The following ARFGEF1 variants were observed in gnomAD, a reference collection of about 807,000 sequenced individuals.
ARFGEF1 encodes ARF guanine nucleotide exchange factor 1, also known as brefeldin A-inhibited guanine nucleotide-exchange protein 1.
ARFGEF1 carries 42 observed loss-of-function variants against 231.0 expected under a neutral mutation model. The observed-to-expected ratio is 0.18, with a 90% CI of 0.14 to 0.24. The LOEUF is 0.24. Among genes scored for constraint, ARFGEF1 ranks in the 10% least tolerant of loss-of-function variants. The pLI is 1.00. For synonymous variants in ARFGEF1, 710 were observed against 732.3 expected, an observed-to-expected ratio of 0.97 and a Z score of 0.49; for missense variants, 1,345 against 2,192.0, an observed-to-expected ratio of 0.61 and a Z score of 7.72.
downstream of ARFGEF1, among the ~76,000 whole-genome samples, chr8:67,196,561 G>A (rs1481595122): frequency 6.6e-6 from 1 of 152,140 alleles, no homozygotes; most frequent in Non-Finnish European, 1.5e-5. Context: ...TGTAATTAAC[G>A]GTTGGTAGAC....
At chr8:67,185,373 CT>C (rs1449506790) in intron 5 of ARFGEF1, among the ~76,000 whole-genome samples, 1 of 152,202 alleles carries the variant, frequency 6.6e-6, no homozygotes, top group African/African-American at 2.4e-5. Flanking sequence ...CACCAGTTAT[CT>C]TAAAGAACGT....
chr8:67,272,113 TA>T (rs796943382), intron 9 of ARFGEF1, among the ~76,000 whole-genome samples, 177 bp from the exon 10 acceptor site: 9 of 152,342 alleles, frequency 5.9e-5, no homozygotes, highest in African/African-American at 2.2e-4. Flanking sequence ...ACTTAGGCAC[TA>T]ACAACAGGTG....
intron 34 of ARFGEF1, among the ~76,000 whole-genome samples, chr8:67,210,111 C>T (rs536762041): frequency 7.2e-6 from 1 of 138,216 alleles, no homozygotes; most frequent in East Asian, 2.2e-4. Flanking sequence ...GCCAAGATCA[C>T]ACCACTATAC....
intron 21 of ARFGEF1, 82 bp downstream of exon 21, chr8:67,238,653 T>C: frequency 2.6e-6 from 4 of 1,513,164 alleles, no homozygotes; most frequent in Non-Finnish European, 2.7e-6. Context: ...TCCCCTAACA[T>C]TTAGGCATGT....
At chr8:67,254,456 G>T (rs1451970367) in intron 17 of ARFGEF1, among the ~76,000 whole-genome samples, 1 of 152,078 alleles carries the variant, frequency 6.6e-6, no homozygotes, top group Admixed American at 6.6e-5. Flanking sequence ...AAGAACTTAA[G>T]GTAACTCTTA....
intron 26 of ARFGEF1, 24 bp downstream of exon 26, chr8:67,227,423 T>C: frequency 1.2e-6 from 2 of 1,607,232 alleles, no homozygotes; most frequent in Non-Finnish European, 1.7e-6. Context: ...TTCCTTCTAT[T>C]AAGCAATTCA....
At position 67,219,368 on chromosome 8, in the gene ARFGEF1, TG is replaced by T. The variant is rs1176268002; in HGVS notation, c.4338+62del. On this transcript the variant is annotated intron_variant, in intron 30 of 38. Coordinates refer to ENST00000262215, the MANE Select transcript of ARFGEF1 (RefSeq NM_006421.5). ...CTTAATTTGAAACACTAAAATGTATTGATTATAATACTGAGAATCTTTTAAC... is the reference window on the plus strand; with the variant it reads ...CTTAATTTGAAACACTAAAATGTATTATTATAATACTGAGAATCTTTTAAC... The T allele has an allele frequency of 3.3e-6, 5 of 1,527,134 alleles. No individual in the cohort carries two copies. The African/African-American group carries it at 7.0e-5, about 22-fold the overall frequency. The allele number at this position is 1,527,134 out of a possible 1,614,324, so 94.6% of individuals were successfully genotyped here.
At chr8:67,175,555 T>C in exon 6 of ARFGEF1, 3 of 1,200,850 alleles carry the variant, frequency 2.5e-6, no homozygotes, top group Non-Finnish European at 3.7e-6. Context: ...AGCCCCATGC[T>C]CACAGGGTCC....
chr8:67,211,988 A>G (rs1169888683), intron 33 of ARFGEF1, among the ~76,000 whole-genome samples: 3 of 152,238 alleles, frequency 2.0e-5, no homozygotes, highest in Non-Finnish European at 4.4e-5. Flanking sequence ...AGAAAGGTCA[A>G]TGTGAAGGTG....
chr8:67,269,332 G>A (rs1227407248), intron 10 of ARFGEF1, among the ~76,000 whole-genome samples: 1 of 150,826 alleles, frequency 6.6e-6, no homozygotes, highest in Non-Finnish European at 1.5e-5. Flanking sequence ...TTCATAGCTG[G>A]GCTTTCTCCA....
At chr8:67,331,937 G>A (rs1563920350) in intron 1 of ARFGEF1, among the ~76,000 whole-genome samples, 1 of 152,004 alleles carries the variant, frequency 6.6e-6, no homozygotes, top group East Asian at 1.9e-4. Flanking sequence ...AATCTTAAGA[G>A]TTTATTTTAA....
intron 14 of ARFGEF1, 88 bp downstream of exon 14, chr8:67,265,918 A>T: frequency 4.2e-6 from 5 of 1,187,764 alleles, no homozygotes; most frequent in Non-Finnish European, 4.9e-6. Flanking sequence ...CATTTTACTC[A>T]TTATAAGGTG....
intron 14 of ARFGEF1, among the ~76,000 whole-genome samples, chr8:67,261,882 C>T (rs944379133): frequency 5.4e-5 from 8 of 147,762 alleles, no homozygotes; most frequent in Admixed American, 1.4e-4. Flanking sequence ...ACATTGCCGA[C>T]GCTGATCTTG....
intron 7 of ARFGEF1, among the ~76,000 whole-genome samples, chr8:67,280,328 CCTG>C (rs1396724328): frequency 2.6e-5 from 4 of 152,154 alleles, no homozygotes; most frequent in Non-Finnish European, 5.9e-5. Context: ...TTGATCACTG[CCTG>C]CTAATTAAAG....
intron 14 of ARFGEF1, among the ~76,000 whole-genome samples, chr8:67,264,871 C>T (rs1804785858): frequency 6.6e-6 from 1 of 152,188 alleles, no homozygotes; most frequent in African/African-American, 2.4e-5. Context: ...TTACACAGTA[C>T]TATTTTTAAA....
intron 1 of ARFGEF1, among the ~76,000 whole-genome samples, chr8:67,336,994 C>G (rs1035733601): frequency 5.9e-5 from 9 of 151,916 alleles, no homozygotes; most frequent in African/African-American, 2.2e-4. Flanking sequence ...CAGCCGGGCG[C>G]GGTAGCGCTA....
rs143250158 is a variant in ARFGEF1, at chr8:67,215,702, C to T, written c.4686+888G>A. ...TGGACGAAGCTAGTAAGGATTCTCC[C>T]TTAGAGCCTTTGGAGGGAATGTGGC... On this transcript the variant is annotated intron_variant, in intron 33 of 38. Coordinates refer to ENST00000262215, the MANE Select transcript of ARFGEF1 (RefSeq NM_006421.5). 1.7e-3 allele frequency among the ~76,000 whole-genome samples: 255 copies of T among 152,232 alleles called. 1 individual carries two copies. The highest frequency in any genetic ancestry group is 3.1e-3 in the Non-Finnish European group (214 of 68,014).
chr8:67,263,601 T>C (rs913962458), intron 14 of ARFGEF1, among the ~76,000 whole-genome samples: 8 of 152,188 alleles, frequency 5.3e-5, no homozygotes, highest in African/African-American at 1.7e-4. Context: ...TTTCCTCTGC[T>C]GCTGCACATG....
chr8:67,262,669 C>T (rs528949844), intron 14 of ARFGEF1, among the ~76,000 whole-genome samples: 1 of 152,296 alleles, frequency 6.6e-6, no homozygotes, highest in Admixed American at 6.5e-5. Context: ...ACCACAGCTA[C>T]TCCAGCTTTC....
Sources: gnomAD v4.1 joint callset for allele counts (sites outside exome capture counted in the v4.1 genomes callset) on GRCh38, gnomAD v4.1.1 for gene constraint, MANE v1.5 for transcripts, NCBI Gene and HGNC (gene_info 2026-07-23, HGNC 2026-07-21) for gene names.